Variants in TMEM178B observed in about 807,000 individuals in gnomAD.
The protein encoded by TMEM178B is transmembrane protein 178B.
TMEM178B carries 5 observed loss-of-function variants against 31.0 expected under a neutral mutation model. The ratio of observed to expected loss-of-function variants is 0.16; its 90% CI spans 0.08 to 0.34. The LOEUF (loss-of-function observed/expected upper bound fraction) is 0.34, where lower values mean the gene tolerates loss of function less well. Among genes scored for constraint, TMEM178B ranks in the 10% least tolerant of loss-of-function variants. The pLI, the probability that TMEM178B is intolerant of heterozygous loss-of-function variation, is 1.00. For synonymous variants in TMEM178B, 164 were observed against 164.0 expected (o/e 1.00, Z 0.00); for missense variants, 275 against 400.3 (o/e 0.69, Z 2.67).
At chr7:141,135,012 C>T (rs1485021345) in intron 1 of TMEM178B, among the ~76,000 whole-genome samples, 5 of 152,086 alleles carry the variant, frequency 3.3e-5, no homozygotes, top group African/African-American at 4.8e-5. Flanking sequence ...TTTTAAAAAT[C>T]GGAGTTTCTG....
chr7:141,220,561 G>A (rs1398278847), intron 2 of TMEM178B, among the ~76,000 whole-genome samples: 1 of 152,024 alleles, frequency 6.6e-6, no homozygotes, highest in Non-Finnish European at 1.5e-5. Flanking sequence ...GTGGGAGGGA[G>A]TACAGTACAG....
chr7:141,280,987 G>A (rs1798349250), intron 2 of TMEM178B, among the ~76,000 whole-genome samples: 1 of 152,206 alleles, frequency 6.6e-6, no homozygotes, highest in Non-Finnish European at 1.5e-5. Context: ...AGGGATGAAT[G>A]CTTTTGCAAG....
intron 1 of TMEM178B, among the ~76,000 whole-genome samples, chr7:141,086,323 A>C (rs1369537096): frequency 6.6e-6 from 1 of 152,228 alleles, no homozygotes; most frequent in Non-Finnish European, 1.5e-5. Context: ...ATGAGCCATC[A>C]TGCCTGATCC....
intron 2 of TMEM178B, among the ~76,000 whole-genome samples, chr7:141,246,020 C>T (rs1797724988): frequency 6.6e-6 from 1 of 151,908 alleles, no homozygotes; most frequent in Non-Finnish European, 1.5e-5. Flanking sequence ...TCCTGAATTC[C>T]AACCAAACCT....
chr7:141,241,483 G>C (rs1359018823), intron 2 of TMEM178B, among the ~76,000 whole-genome samples: 1 of 151,476 alleles, frequency 6.6e-6, no homozygotes, highest in Admixed American at 6.6e-5. Context: ...CCAGCTACTC[G>C]GGAGGCTGAG....
chr7:141,458,741 C>CA, intron 3 of TMEM178B, among the ~76,000 whole-genome samples: 1 of 152,126 alleles, frequency 6.6e-6, no homozygotes, highest in East Asian at 1.9e-4. Context: ...TATGGCTCTT[C>CA]AAAATAATCC....
chr7:141,377,222 C>T (rs1050986983), intron 2 of TMEM178B, among the ~76,000 whole-genome samples: 1 of 150,696 alleles, frequency 6.6e-6, no homozygotes, highest in African/African-American at 2.4e-5. Context: ...TCGCTCTTGT[C>T]ACCCAGGCTG....
At chr7:141,217,637 A>AG (rs1368495282) in intron 2 of TMEM178B, among the ~76,000 whole-genome samples, 1 of 152,168 alleles carries the variant, frequency 6.6e-6, no homozygotes, top group African/African-American at 2.4e-5. Flanking sequence ...CTGAGGTTGC[A>AG]GGGCAGACAC....
In TMEM178B at chr7:141,335,584, A is replaced by T. The variant is rs546099525; in HGVS notation, c.497-102024A>T. Among the ~76,000 whole-genome samples the T allele has an allele frequency of 1.8e-3, 271 of 152,290 alleles. 2 individuals carry two copies. Among genetic ancestry groups the T allele is most frequent in the African/African-American group, 6.3e-3 (260 of 41,570 alleles). On this transcript the variant is annotated intron_variant, in intron 2 of 3. Coordinates refer to ENST00000565468, the MANE Select transcript of TMEM178B (RefSeq NM_001195278.2). ...CAGCTCATGAGAAGTTTTCATGAGA[A>T]GCTCATGAAAACAGTAACAGTACAG... is the stretch of plus-strand genomic sequence containing the variant.
At chr7:141,120,720 C>T (rs974211997) in intron 1 of TMEM178B, among the ~76,000 whole-genome samples, 17 of 151,982 alleles carry the variant, frequency 1.1e-4, no homozygotes, top group African/African-American at 3.9e-4. Flanking sequence ...CTTTGGGAGG[C>T]AGAGGTGGGA....
intron 2 of TMEM178B, among the ~76,000 whole-genome samples, chr7:141,377,343 C>T (rs1361312739): frequency 6.6e-6 from 1 of 151,942 alleles, no homozygotes; most frequent in Non-Finnish European, 1.5e-5. Flanking sequence ...ACCACCACGC[C>T]CAGCTAATTT....
chr7:141,243,857 C>T (rs903541499), intron 2 of TMEM178B, among the ~76,000 whole-genome samples: 4 of 152,152 alleles, frequency 2.6e-5, no homozygotes, highest in Non-Finnish European at 5.9e-5. Flanking sequence ...AATTCAAGTC[C>T]GTGTGGACCA....
intron 2 of TMEM178B, among the ~76,000 whole-genome samples, chr7:141,320,753 C>A (rs536817390): frequency 6.6e-6 from 1 of 152,292 alleles, no homozygotes; most frequent in Admixed American, 6.5e-5. Flanking sequence ...GAGGTATTAT[C>A]TGTAAAATGT....
At chr7:141,222,653 C>T (rs546756086) in intron 2 of TMEM178B, among the ~76,000 whole-genome samples, 1 of 152,118 alleles carries the variant, frequency 6.6e-6, no homozygotes, top group Non-Finnish European at 1.5e-5. Flanking sequence ...ATTTCATCAA[C>T]TCAGGGGCTT....
At chr7:141,268,557 A>G (rs1798130613) in intron 2 of TMEM178B, among the ~76,000 whole-genome samples, 1 of 152,252 alleles carries the variant, frequency 6.6e-6, no homozygotes, top group African/African-American at 2.4e-5. Context: ...AGCTTATACA[A>G]TTTTGACTGA....
chr7:141,448,679 G>A (rs1320382136), intron 3 of TMEM178B, among the ~76,000 whole-genome samples: 3 of 152,162 alleles, frequency 2.0e-5, no homozygotes, highest in Non-Finnish European at 4.4e-5. Context: ...CACTTAGGAT[G>A]AGTGATTTCC....
intron 2 of TMEM178B, among the ~76,000 whole-genome samples, chr7:141,368,660 A>G (rs999027511): frequency 6.6e-6 from 1 of 152,222 alleles, no homozygotes; most frequent in Non-Finnish European, 1.5e-5. Context: ...GGATCTGTGC[A>G]CTGAACATTA....
rs150675016 is a variant in TMEM178B at position 141,211,680 on chromosome 7, C to T, written c.383-911C>T. Reference sequence around the variant, plus strand: ...AAAGTAATGGGGGAAGAGCTCCCCACCGTGCCTTCCTTTTGGAATTTGCAA... The same window carrying T: ...AAAGTAATGGGGGAAGAGCTCCCCATCGTGCCTTCCTTTTGGAATTTGCAA... On this transcript the variant is annotated intron_variant, in intron 1 of 3. Transcript: ENST00000565468. 1.7e-4 allele frequency among the ~76,000 whole-genome samples: 26 copies of T among 152,248 alleles called. No homozygotes were observed. The East Asian group carries it at 4.4e-3, about 26-fold the overall frequency.
intron 1 of TMEM178B, among the ~76,000 whole-genome samples, chr7:141,151,841 G>A (rs553094030): frequency 2.0e-5 from 3 of 152,280 alleles, no homozygotes; most frequent in South Asian, 4.1e-4. Flanking sequence ...TCAGCTACAG[G>A]GGGGGTGCCC....
Sources: gnomAD v4.1 joint callset for allele counts (sites outside exome capture counted in the v4.1 genomes callset) on GRCh38, gnomAD v4.1.1 for gene constraint, MANE v1.5 for transcripts, NCBI Gene and HGNC (gene_info 2026-07-23, HGNC 2026-07-21) for gene names.